The following MGAT4C variants were observed in gnomAD, a reference collection of about 807,000 sequenced individuals.
MGAT4C encodes MGAT4 family member C, also known as alpha-1,3-mannosyl-glycoprotein 4-beta-N-acetylglucosaminyltransferase C.
MGAT4C carries 19 observed loss-of-function variants against 40.1 expected under a neutral mutation model. The observed-to-expected ratio is 0.47, with a 90% CI of 0.33 to 0.70. The LOEUF is 0.70. MGAT4C is among the 30% of genes least tolerant of loss of function. MGAT4C has a pLI of 0.02. For missense variants in MGAT4C, 491 were observed against 563.2 expected, an observed-to-expected ratio of 0.87 and a Z score of 1.30; for synonymous variants, 181 against 187.1, an observed-to-expected ratio of 0.97 and a Z score of 0.27.
At position 86,668,149 on chromosome 12, in the gene MGAT4C, C is replaced by T. The variant is rs1964161758; in HGVS notation, c.-229+59060G>A. Among the ~76,000 whole-genome samples the T allele has an allele frequency of 2.0e-5, 3 of 152,096 alleles. No homozygotes were observed. In the South Asian group the frequency reaches 6.2e-4, roughly 31 times the overall value. On this transcript the variant is annotated intron_variant, in intron 2 of 7. Coordinates refer to the MGAT4C transcript ENST00000548651. The stretch of plus-strand genomic sequence containing the variant: ...TATAAAGCTATCTTAATTTTGTTCC[C>T]AAGATGGCATATTAGGGGCTTTTAA...
At chr12:86,342,629 C>T (rs1954928442) in intron 3 of MGAT4C, among the ~76,000 whole-genome samples, 1 of 152,154 alleles carries the variant, frequency 6.6e-6, no homozygotes, top group Non-Finnish European at 1.5e-5. Context: ...TTAGTAGAGA[C>T]GGGGTTTCAC....
In MGAT4C at chr12:86,037,515, A is replaced by G. The variant is rs1013265650; in HGVS notation, c.-7+12159T>C. ...TCTTTGTTCTCACTGATTTCAAAGA[A>G]CATCTTTATTTCTGCCTTCATTTCA... On this transcript the variant is annotated intron_variant, in intron 2 of 4. Coordinates refer to ENST00000611864, the MANE Select transcript of MGAT4C (RefSeq NM_001351288.2). Among the ~76,000 whole-genome samples, 3 of 150,212 alleles carry G rather than the reference A, an allele frequency of 2.0e-5. 1 individual carries two copies. In the Admixed American group the frequency reaches 2.0e-4, roughly 10 times the overall value.
intron 2 of MGAT4C, among the ~76,000 whole-genome samples, chr12:86,645,575 T>A (rs920163054): frequency 6.6e-6 from 1 of 151,794 alleles, no homozygotes; most frequent in Admixed American, 6.6e-5. Context: ...CTACACTTTC[T>A]TAAATCTGCA....
intron 2 of MGAT4C, among the ~76,000 whole-genome samples, chr12:86,477,615 C>T (rs942493199): frequency 1.3e-5 from 2 of 152,006 alleles, no homozygotes; most frequent in Admixed American, 1.3e-4. Flanking sequence ...TTTTATTATA[C>T]TTTGAGTTCT....
intron 2 of MGAT4C, among the ~76,000 whole-genome samples, chr12:86,484,462 CT>C (rs1957984814): frequency 6.6e-6 from 1 of 152,248 alleles, no homozygotes; most frequent in Non-Finnish European, 1.5e-5. Flanking sequence ...CAACCTGGTG[CT>C]TTGCCTGCAG....
intron 3 of MGAT4C, among the ~76,000 whole-genome samples, chr12:85,987,795 A>C (rs1221883753): frequency 6.6e-6 from 1 of 152,206 alleles, no homozygotes; most frequent in Non-Finnish European, 1.5e-5. Flanking sequence ...TTAAAATTGC[A>C]CTGGAAACTG....
At chr12:86,077,827 G>A (rs1003120728) in intron 1 of MGAT4C, among the ~76,000 whole-genome samples, 2 of 152,138 alleles carry the variant, frequency 1.3e-5, no homozygotes, top group South Asian at 2.1e-4. Context: ...CTCTGTTATG[G>A]AGTAGTAGAC....
intron 4 of MGAT4C, among the ~76,000 whole-genome samples, chr12:86,267,094 T>G (rs879276634): frequency 4.4e-4 from 67 of 152,166 alleles, no homozygotes; most frequent in Non-Finnish European, 5.6e-4. Flanking sequence ...TTTTTGGTCT[T>G]TTTTCATTTA....
In MGAT4C at chr12:86,057,078, A is replaced by T. The variant is rs993789636; in HGVS notation, c.-56-7355T>A. ...AGTTGAACTTATATTAATTTTATTT[A>T]AAAAAATTTCTTTTATATCCTTTAG... On this transcript the variant is annotated intron_variant, in intron 1 of 4. Transcript: ENST00000611864. Among the ~76,000 whole-genome samples, 10 of 152,068 alleles carry T rather than the reference A, an allele frequency of 6.6e-5. 1 individual carries two copies. The East Asian group carries it at 7.7e-4, about 12-fold the overall frequency.
At position 86,378,276 on chromosome 12, in the gene MGAT4C, T is replaced by C. The variant is rs185953775; in HGVS notation, c.-119-44149A>G. 5.9e-5 allele frequency among the ~76,000 whole-genome samples: 9 copies of C among 152,278 alleles called. 1 individual carries two copies. The highest frequency in any genetic ancestry group is 2.2e-4 in the African/African-American group (9 of 41,574). ...CTATTTTTAATTTTTTTTGAGGAAC[T>C]ACTAAAGGAGTATTAATTATTACTG... On this transcript the variant is annotated intron_variant, in intron 3 of 7. Transcript: ENST00000548651.
intron 3 of MGAT4C, among the ~76,000 whole-genome samples, chr12:86,340,936 AAAATATTTAAAAGGGCTTATAAAAGT>A (rs572946536): frequency 0.017 from 2,639 of 152,296 alleles, 30 homozygotes; most frequent in Non-Finnish European, 0.026. Context: ...AGAAGTTTCC[AAAATATTTAAAAGGGCTTATAAAAGT>A]AAATATTTAA....
intron 2 of MGAT4C, among the ~76,000 whole-genome samples, chr12:86,004,668 A>T (rs1030421157): frequency 2.0e-5 from 3 of 152,196 alleles, no homozygotes; most frequent in Admixed American, 2.0e-4. Context: ...GACAATAATG[A>T]AGTGAAGAAG....
chr12:86,293,854 C>T (rs1953590328), intron 4 of MGAT4C, among the ~76,000 whole-genome samples: 1 of 152,146 alleles, frequency 6.6e-6, no homozygotes, highest in Admixed American at 6.5e-5. Context: ...AAGAAGGCAT[C>T]TGCTTGTCCT....
At chr12:86,141,093 G>C (rs936862902) in intron 1 of MGAT4C, among the ~76,000 whole-genome samples, 4 of 152,154 alleles carry the variant, frequency 2.6e-5, no homozygotes, top group Non-Finnish European at 5.9e-5. Flanking sequence ...GGTTGAGCTA[G>C]CTTGCTGGTC....
At chr12:86,062,743 C>T (rs936946469) in intron 1 of MGAT4C, among the ~76,000 whole-genome samples, 1 of 151,312 alleles carries the variant, frequency 6.6e-6, no homozygotes, top group Non-Finnish European at 1.5e-5. Context: ...GTATCAATAG[C>T]CAAATTGATC....
intron 4 of MGAT4C, among the ~76,000 whole-genome samples, chr12:86,269,019 T>A (rs1422330607): frequency 1.8e-3 from 17 of 9,556 alleles, no homozygotes; most frequent in African/African-American, 6.7e-3. Flanking sequence ...CTTACATATA[T>A]ATATATATAT....
chr12:86,286,622 G>A (rs1218332765), intron 4 of MGAT4C, among the ~76,000 whole-genome samples: 2 of 152,098 alleles, frequency 1.3e-5, no homozygotes, highest in African/African-American at 4.8e-5. Flanking sequence ...GGGAACATGT[G>A]CAGGTGTGCT....
Position 86,041,418 on chromosome 12 carries a change from T to C in MGAT4C, c.-7+8256A>G, listed in dbSNP as rs541174221. On this transcript the variant is annotated intron_variant, in intron 2 of 4. Transcript: ENST00000611864. ...TTCCCCTAGGTCTGATGTTATGTTA[T>C]TAATTTTAAATCTTTCTAACTTTTG... Among the ~76,000 whole-genome samples, 7 of 152,230 alleles carry C rather than the reference T, an allele frequency of 4.6e-5. No individual in the cohort carries two copies. The East Asian group carries it at 1.4e-3, about 29-fold the overall frequency.
intron 4 of MGAT4C, among the ~76,000 whole-genome samples, chr12:86,303,204 A>G (rs1158520851): frequency 6.6e-6 from 1 of 150,618 alleles, no homozygotes; most frequent in Non-Finnish European, 1.5e-5. Flanking sequence ...ATATAAACTG[A>G]TATACCTATT....
Sources: allele counts gnomAD v4.1 joint callset (sites outside exome capture counted in the v4.1 genomes callset), GRCh38; gene constraint gnomAD v4.1.1; transcripts MANE v1.5; gene names NCBI Gene and HGNC (gene_info 2026-07-23, HGNC 2026-07-21).